The following GRIN2A variants were observed in gnomAD, a reference collection of about 807,000 sequenced individuals.
The protein encoded by GRIN2A is glutamate receptor ionotropic, NMDA 2A.
GRIN2A carries 22 observed loss-of-function variants against 113.4 expected under a neutral mutation model. The observed-to-expected ratio is 0.19, with a 90% CI of 0.14 to 0.28. The LOEUF is 0.28. GRIN2A is among the 10% of genes least tolerant of loss of function. The pLI is 1.00. For missense variants in GRIN2A, 1,502 were observed against 1,887.0 expected, an observed-to-expected ratio of 0.80 and a Z score of 3.78; for synonymous variants, 827 against 738.4, an observed-to-expected ratio of 1.12 and a Z score of -1.94.
intron 10 of GRIN2A, among the ~76,000 whole-genome samples, chr16:9,819,582 C>A (rs2042243727): frequency 6.6e-6 from 1 of 151,836 alleles, no homozygotes; most frequent in South Asian, 2.1e-4. Flanking sequence ...ATGTGGTTTC[C>A]CCAAATATTA....
At chr16:10,061,468 T>C (rs1475051984) in intron 2 of GRIN2A, among the ~76,000 whole-genome samples, 2 of 152,240 alleles carry the variant, frequency 1.3e-5, no homozygotes, top group Non-Finnish European at 2.9e-5. Flanking sequence ...CTGAGATTCC[T>C]TTACATACTC....
chr16:9,825,745 T>TG (rs769726722), intron 9 of GRIN2A, among the ~76,000 whole-genome samples: 2 of 152,074 alleles, frequency 1.3e-5, no homozygotes, highest in Non-Finnish European at 2.9e-5. Flanking sequence ...GAGGATCAGC[T>TG]GGGAGGAGGC....
At chr16:9,987,234 C>G (rs944384531) in intron 2 of GRIN2A, among the ~76,000 whole-genome samples, 1 of 152,180 alleles carries the variant, frequency 6.6e-6, no homozygotes, top group Non-Finnish European at 1.5e-5. Context: ...ATGGCCCAGA[C>G]CTCGCTAAAT....
At chr16:9,880,430 T>C (rs528243865) in intron 4 of GRIN2A, among the ~76,000 whole-genome samples, 1 of 152,302 alleles carries the variant, frequency 6.6e-6, no homozygotes, top group Non-Finnish European at 1.5e-5. Flanking sequence ...CCCAACCTAA[T>C]AGCTGCACAA....
chr16:10,146,042 G>C (rs370861632), intron 2 of GRIN2A, among the ~76,000 whole-genome samples: 8 of 152,180 alleles, frequency 5.3e-5, no homozygotes, highest in African/African-American at 1.9e-4. Context: ...GGACACCCTT[G>C]GTGCCAGGTA....
intron 2 of GRIN2A, among the ~76,000 whole-genome samples, chr16:9,941,208 C>T (rs13332245): frequency 0.026 from 3,936 of 152,246 alleles, 168 homozygotes; most frequent in African/African-American, 0.09. Context: ...AAGATTGGTA[C>T]TGGTGGAGAG....
At chr16:9,789,190 A>G (rs1192889953) in intron 11 of GRIN2A, among the ~76,000 whole-genome samples, 1 of 152,240 alleles carries the variant, frequency 6.6e-6, no homozygotes, top group Admixed American at 6.5e-5. Context: ...TTGGGTTTCA[A>G]TAAAACTTCA....
intron 10 of GRIN2A, among the ~76,000 whole-genome samples, chr16:9,818,079 T>G (rs912929945): frequency 8.6e-5 from 13 of 152,038 alleles, no homozygotes; most frequent in Admixed American, 3.3e-4. Flanking sequence ...TTATTATTAT[T>G]CCTTAAACAG....
At chr16:10,000,090 C>A (rs1016063312) in intron 2 of GRIN2A, among the ~76,000 whole-genome samples, 7 of 152,132 alleles carry the variant, frequency 4.6e-5, no homozygotes, top group African/African-American at 1.4e-4. Flanking sequence ...TGACTCTCTC[C>A]CTCCTGCCTC....
intron 8 of GRIN2A, among the ~76,000 whole-genome samples, chr16:9,830,635 T>A (rs943789111): frequency 2.0e-5 from 3 of 151,916 alleles, no homozygotes; most frequent in Admixed American, 2.0e-4. Context: ...GAGTGGGCAA[T>A]AAATAAAGTG....
At chr16:10,159,450 A>C (rs1434585777) in intron 2 of GRIN2A, among the ~76,000 whole-genome samples, 1 of 152,184 alleles carries the variant, frequency 6.6e-6, no homozygotes, top group East Asian at 1.9e-4. Flanking sequence ...CAAAGCTCCA[A>C]CTACTAAGGA....
intron 3 of GRIN2A, among the ~76,000 whole-genome samples, chr16:9,891,822 C>A (rs1370495396): frequency 6.6e-6 from 1 of 152,036 alleles, no homozygotes; most frequent in Non-Finnish European, 1.5e-5. Context: ...GAATGCAGAC[C>A]AGAGAGGCTG....
chr16:9,791,435 G>A (rs1902599602), intron 11 of GRIN2A, among the ~76,000 whole-genome samples: 2 of 152,174 alleles, frequency 1.3e-5, no homozygotes, highest in South Asian at 4.1e-4. Flanking sequence ...GGCATTCAAG[G>A]ATTTCCCCAG....
intron 4 of GRIN2A, among the ~76,000 whole-genome samples, chr16:9,850,882 C>G (rs548753575): frequency 6.6e-6 from 1 of 152,268 alleles, no homozygotes; most frequent in Non-Finnish European, 1.5e-5. Flanking sequence ...GCGCTATTCA[C>G]ATACACGCTG....
At chr16:9,894,732 G>A (rs932714614) in intron 3 of GRIN2A, among the ~76,000 whole-genome samples, 24 of 152,062 alleles carry the variant, frequency 1.6e-4, no homozygotes, top group East Asian at 9.6e-4. Context: ...TTTTAGCCCC[G>A]TCACATTGTC....
chr16:9,960,581 A>C (rs16966736), intron 2 of GRIN2A, among the ~76,000 whole-genome samples: 1,999 of 152,248 alleles, frequency 0.013, 30 homozygotes, highest in African/African-American at 0.046. Flanking sequence ...TAATTGTATC[A>C]CTTGTTCCTA....
At chr16:10,077,383 C>T (rs2047893488) in intron 2 of GRIN2A, among the ~76,000 whole-genome samples, 1 of 152,216 alleles carries the variant, frequency 6.6e-6, no homozygotes, top group African/African-American at 2.4e-5. Context: ...TGAGGCCAAA[C>T]ATTTTGGTGG....
At chr16:9,975,466 T>A (rs1049831801) in intron 2 of GRIN2A, among the ~76,000 whole-genome samples, 1 of 152,276 alleles carries the variant, frequency 6.6e-6, no homozygotes, top group African/African-American at 2.4e-5. Flanking sequence ...AGGAGCTACA[T>A]GGAAAGCATG....
chr16:10,014,425 A>G (rs2046565186), intron 2 of GRIN2A, among the ~76,000 whole-genome samples: 1 of 152,138 alleles, frequency 6.6e-6, no homozygotes, highest in Non-Finnish European at 1.5e-5. Flanking sequence ...AAATGTACAC[A>G]TTTCTTAGAA....
Sources: allele counts gnomAD v4.1 joint callset (sites outside exome capture counted in the v4.1 genomes callset), GRCh38; gene constraint gnomAD v4.1.1; transcripts MANE v1.5; gene names NCBI Gene and HGNC (gene_info 2026-07-23, HGNC 2026-07-21).